ST18: variants seen among roughly 807,000 people sequenced by gnomAD.
ST18 encodes suppression of tumorigenicity 18 protein.
A neutral mutation model predicts 110.0 loss-of-function variants in ST18; 50 were observed. The observed-to-expected ratio is 0.45, with a 90% confidence interval of 0.36 to 0.58. The LOEUF is 0.58. Ranked by LOEUF, ST18 falls within the 20% of genes least tolerant of loss-of-function variation. The pLI is 0.00. For synonymous variants in ST18, 461 were observed against 452.4 expected, an observed-to-expected ratio of 1.02 and a Z score of -0.24; for missense variants, 1,306 against 1,280.1, an observed-to-expected ratio of 1.02 and a Z score of -0.31.
At chr8:52,401,727 A>T (rs1426484396) in intron 2 of ST18, among the ~76,000 whole-genome samples, 1 of 151,734 alleles carries the variant, frequency 6.6e-6, no homozygotes, top group Non-Finnish European at 1.5e-5. Flanking sequence ...ATTTTGTTGC[A>T]TTGTCTATCT....
chr8:52,225,288 A>G (rs1426684473), intron 3 of ST18, among the ~76,000 whole-genome samples: 1 of 152,250 alleles, frequency 6.6e-6, no homozygotes, highest in Non-Finnish European at 1.5e-5. Context: ...TGTAATTAAC[A>G]TAACTGCATT....
At chr8:52,251,518 T>C (rs1162625440) in intron 2 of ST18, among the ~76,000 whole-genome samples, 1 of 152,108 alleles carries the variant, frequency 6.6e-6, no homozygotes, top group Non-Finnish European at 1.5e-5. Context: ...GTTTTTTAAA[T>C]CATTGAAGTG....
intron 2 of ST18, chr8:52,313,186 C>T (rs978058306): frequency 6.5e-6 from 1 of 152,774 alleles, no homozygotes; most frequent in African/African-American, 2.4e-5. Flanking sequence ...GTACCTTGAA[C>T]TCTTTCATGA....
Position 52,198,824 on chromosome 8 carries a change from T to C in ST18, c.86+13255A>G, listed in dbSNP as rs78206849. On this transcript the variant is annotated intron_variant, in intron 8 of 25. Coordinates refer to ENST00000689386, the MANE Select transcript of ST18 (RefSeq NM_001352837.2). ...TCAACTGACAATGAAGCCTGCAAGC[T>C]CCACATATCACTTTCTGTAGCCCTA... Among the ~76,000 whole-genome samples the C allele has an allele frequency of 3.7e-3, 557 of 152,296 alleles. 7 individuals are homozygous for C. The highest frequency in any genetic ancestry group is 0.012 in the African/African-American group (513 of 41,558).
intron 8 of ST18, among the ~76,000 whole-genome samples, chr8:52,210,928 A>C (rs1211890001): frequency 6.6e-6 from 1 of 152,210 alleles, no homozygotes; most frequent in Non-Finnish European, 1.5e-5. Flanking sequence ...GAACTGTGTA[A>C]ATTGCATACC....
chr8:52,146,486 T>C (rs1225037589), intron 16 of ST18, among the ~76,000 whole-genome samples: 1 of 152,126 alleles, frequency 6.6e-6, no homozygotes, highest in Non-Finnish European at 1.5e-5. Context: ...TTTTTTTCTT[T>C]GTTGTAGGGA....
chr8:52,226,519 T>C (rs796147675), intron 3 of ST18, among the ~76,000 whole-genome samples: 17 of 152,320 alleles, frequency 1.1e-4, no homozygotes, highest in African/African-American at 3.4e-4. Context: ...GTTTCCTCTT[T>C]TAAAAAACCA....
In ST18 at chr8:52,166,901, G is replaced by C. The variant is rs1429006497; in HGVS notation, c.1155C>G (p.His385Gln). 3 of 1,609,818 alleles carry C rather than the reference G, an allele frequency of 1.9e-6. No homozygotes were observed. The highest frequency in any genetic ancestry group is 3.3e-5 in the Admixed American group (2 of 59,886). ...GTGHVTGLYP[H>Q]HRSLSGCPHK... is the part of the protein sequence containing the mutation. ...GGGGGCACCCCGAAAGGCTGCGGTG[G>C]TGCGGGTAGAGCCCTGTCACGTGTC... Residue 385 changes from histidine (H) to glutamine (Q), a missense_variant, in exon 11 of 26, where the codon CAC becomes CAG. His to Gln is a conservative substitution (Grantham distance 24). Coordinates refer to ENST00000689386, the MANE Select transcript of ST18 (RefSeq NM_001352837.2).
chr8:52,260,946 T>G (rs17223118), intron 2 of ST18, among the ~76,000 whole-genome samples: 31,301 of 152,160 alleles, frequency 0.21, 3,847 homozygotes, highest in Middle Eastern at 0.38. Context: ...TAAATGTGTT[T>G]GAAATAAGTG....
intron 17 of ST18, among the ~76,000 whole-genome samples, chr8:52,141,504 C>T (rs1419242874): frequency 6.6e-6 from 1 of 152,224 alleles, no homozygotes; most frequent in African/African-American, 2.4e-5. Flanking sequence ...CCCGTCCCCA[C>T]TTTGTGCCCT....
intron 8 of ST18, among the ~76,000 whole-genome samples, chr8:52,204,630 A>T (rs1301259660): frequency 6.6e-6 from 1 of 152,228 alleles, no homozygotes; most frequent in Non-Finnish European, 1.5e-5. Context: ...GCACAAGAAA[A>T]AATATCAAAG....
intron 13 of ST18, 59 bp downstream of exon 13, chr8:52,163,927 C>T: frequency 7.4e-7 from 1 of 1,359,356 alleles, no homozygotes; most frequent in Non-Finnish European, 1.0e-6. Context: ...GGACCAGAGG[C>T]CCCGCTGTGC....
intron 8 of ST18, among the ~76,000 whole-genome samples, chr8:52,210,576 T>C (rs2081851050): frequency 6.6e-6 from 1 of 152,074 alleles, no homozygotes; most frequent in African/African-American, 2.4e-5. Context: ...GAGGATTTCC[T>C]GAGCCCAGGA....
At chr8:52,156,422 C>A (rs2060034242) in intron 15 of ST18, among the ~76,000 whole-genome samples, 1 of 152,178 alleles carries the variant, frequency 6.6e-6, no homozygotes, top group Admixed American at 6.5e-5. Flanking sequence ...AATAAGCGTA[C>A]TAATAGCCTG....
intron 2 of ST18, among the ~76,000 whole-genome samples, chr8:52,254,005 CAGAGAG>C (rs2094441187): frequency 7.9e-6 from 1 of 126,782 alleles, no homozygotes; most frequent in African/African-American, 2.9e-5. Context: ...GAGAGAGAGA[CAGAGAG>C]AAATACATTT....
chr8:52,212,103 A>T lies in ST18; in HGVS notation c.62T>A (p.Met21Lys). Residue 21 changes from methionine to lysine, a missense_variant, in exon 8 of 26, where the codon ATG (methionine) becomes AAG (lysine). Coordinates refer to ENST00000689386, the MANE Select transcript of ST18 (RefSeq NM_001352837.2). Reference sequence around the variant, plus strand: ...CCTGAGCTCCTGGATTAGTGAATCCATTGGCACTGTTGACAAAAGAAGAAA... The same window carrying T: ...CCTGAGCTCCTGGATTAGTGAATCCTTTGGCACTGTTGACAAAAGAAGAAA... ...RTRSKGTEVPMDSLIQELSVA... is the reference protein window; with the variant it reads ...RTRSKGTEVPKDSLIQELSVA... 2.5e-6 allele frequency: 4 copies of T among 1,604,004 alleles called. No individual in the cohort carries two copies. Among genetic ancestry groups the T allele is most frequent in the Non-Finnish European group, 3.4e-6 (4 of 1,177,990 alleles).
At chr8:52,261,843 A>C (rs2094703198) in intron 2 of ST18, among the ~76,000 whole-genome samples, 1 of 152,162 alleles carries the variant, frequency 6.6e-6, no homozygotes, top group South Asian at 2.1e-4. Flanking sequence ...AGGTCATCCT[A>C]TTCCCAGCCT....
intron 2 of ST18, among the ~76,000 whole-genome samples, chr8:52,236,175 T>G (rs150228164): frequency 1.3e-5 from 2 of 152,150 alleles, no homozygotes; most frequent in Admixed American, 6.5e-5. Flanking sequence ...TCTCTGTACA[T>G]TGACACTGAT....
At chr8:52,271,835 C>A (rs1401164284) in intron 2 of ST18, among the ~76,000 whole-genome samples, 1 of 152,206 alleles carries the variant, frequency 6.6e-6, no homozygotes, top group Admixed American at 6.5e-5. Flanking sequence ...CTTACTGGTG[C>A]TGCAAGTAAC....
Sources: gnomAD v4.1 joint callset for allele counts (sites outside exome capture counted in the v4.1 genomes callset) on GRCh38, gnomAD v4.1.1 for gene constraint, MANE v1.5 for transcripts, NCBI Gene and HGNC (gene_info 2026-07-23, HGNC 2026-07-21) for gene names.